Variants in RANBP2 observed in about 807,000 individuals in gnomAD.
RANBP2 encodes the protein RAN binding protein 2.
RANBP2 carries 57 observed loss-of-function variants against 303.6 expected under a neutral mutation model. That is an observed-to-expected ratio of 0.19 (90% CI 0.15 to 0.23). RANBP2 has a LOEUF of 0.23. RANBP2 is among the 10% of genes least tolerant of loss of function. RANBP2 has a pLI of 1.00. For synonymous variants in RANBP2, 1,167 were observed against 1,301.5 expected (o/e 0.90, Z 2.23); for missense variants, 3,138 against 3,780.8 (o/e 0.83, Z 4.46).
chr2:109,148,299 C>T, the RANBP2 span, among the ~76,000 whole-genome samples: 1 of 152,252 alleles, frequency 6.6e-6, no homozygotes, highest in African/African-American at 2.4e-5. Context: ...GTGAGGGAAT[C>T]CACCGGGACG....
the RANBP2 span, among the ~76,000 whole-genome samples, chr2:109,397,064 G>T: frequency 6.6e-6 from 1 of 152,154 alleles, no homozygotes; most frequent in African/African-American, 2.4e-5. Context: ...TGCCTCTGTG[G>T]TGCCCTACAG....
the RANBP2 span, chr2:108,798,546 T>G: frequency 6.2e-7 from 1 of 1,613,568 alleles, no homozygotes. Context: ...ATTAAAGGTG[T>G]TGAAGAAGAG....
chr2:109,554,564 T>C, the RANBP2 span, among the ~76,000 whole-genome samples: 1 of 152,212 alleles, frequency 6.6e-6, no homozygotes, highest in African/African-American at 2.4e-5. Context: ...TGCCATGAAC[T>C]TAACGCTTAC....
In RANBP2 at chr2:108,778,149, A is replaced by G. The variant is rs543204393; in HGVS notation, c.8599+918A>G. Among the ~76,000 whole-genome samples, 6 of 152,276 alleles carry G rather than the reference A, an allele frequency of 3.9e-5. 1 individual carries two copies. The highest frequency in any genetic ancestry group is 3.9e-4 in the East Asian group (2 of 5,134). On this transcript the variant is annotated intron_variant, in intron 25 of 28. Coordinates refer to ENST00000283195, the MANE Select transcript of RANBP2 (RefSeq NM_006267.5). ...CACAAAAAAAATCCCAAAAAAATAG[A>G]TAGGCTCCTTGTTACTCAGTGTAGC...
the RANBP2 span, among the ~76,000 whole-genome samples, chr2:109,433,656 T>C: frequency 1.3e-5 from 2 of 152,190 alleles, no homozygotes; most frequent in Non-Finnish European, 2.9e-5. Context: ...CAGAGTGGTC[T>C]CGGGACACAT....
At chr2:108,968,446 GA>G in the RANBP2 span, among the ~76,000 whole-genome samples, 1 of 152,168 alleles carries the variant, frequency 6.6e-6, no homozygotes, top group African/African-American at 2.4e-5. Flanking sequence ...TCATTATGGG[GA>G]GGTTTGTCCC....
the RANBP2 span, among the ~76,000 whole-genome samples, chr2:109,480,927 C>G: frequency 6.6e-6 from 1 of 152,112 alleles, no homozygotes; most frequent in Non-Finnish European, 1.5e-5. Flanking sequence ...GAAGAAGCGG[C>G]AGATAAAAGG....
At chr2:109,583,168 T>C in the RANBP2 span, among the ~76,000 whole-genome samples, 1 of 151,722 alleles carries the variant, frequency 6.6e-6, no homozygotes, top group Non-Finnish European at 1.5e-5. Context: ...AAAACAAAAA[T>C]TGCCAATTAA....
the RANBP2 span, among the ~76,000 whole-genome samples, chr2:109,237,608 A>AT: frequency 6.6e-5 from 10 of 152,014 alleles, no homozygotes; most frequent in African/African-American, 9.7e-5. Context: ...GTGTGTGTGA[A>AT]TTTTTTTTAA....
the RANBP2 span, among the ~76,000 whole-genome samples, chr2:109,179,373 G>A: frequency 3.9e-5 from 6 of 152,168 alleles, no homozygotes; most frequent in East Asian, 1.9e-4. Context: ...AAAGCAGAAC[G>A]TGAGAGGACA....
chr2:109,362,215 T>C, the RANBP2 span, among the ~76,000 whole-genome samples: 42,635 of 152,188 alleles, frequency 0.28, 6,909 homozygotes, highest in Non-Finnish European at 0.37. Flanking sequence ...TAAATTTCCC[T>C]GTAGGTGCTA....
chr2:108,955,755 G>A, the RANBP2 span, among the ~76,000 whole-genome samples: 6 of 149,542 alleles, frequency 4.0e-5, no homozygotes, highest in Non-Finnish European at 8.9e-5. Context: ...GGTAGGGCGC[G>A]GTGGCTCATG....
the RANBP2 span, among the ~76,000 whole-genome samples, chr2:108,867,931 A>G: frequency 6.6e-6 from 1 of 152,180 alleles, no homozygotes; most frequent in African/African-American, 2.4e-5. Context: ...TTAAAAAATA[A>G]TTTTATTCTG....
At chr2:108,785,863 A>G (rs943690012), downstream of RANBP2, 5 of 152,226 alleles carry the variant, frequency 3.3e-5, no homozygotes, top group South Asian at 2.1e-4. Flanking sequence ...TTTTCAGATA[A>G]TAACTGCTGA....
At chr2:108,867,537 C>CA in the RANBP2 span, among the ~76,000 whole-genome samples, 1 of 152,114 alleles carries the variant, frequency 6.6e-6, no homozygotes, top group South Asian at 2.1e-4. Context: ...CTCCCCTCCC[C>CA]AAGCCTTTGG....
At chr2:109,537,980 A>C in the RANBP2 span, among the ~76,000 whole-genome samples, 1 of 151,394 alleles carries the variant, frequency 6.6e-6, no homozygotes, top group African/African-American at 2.4e-5. Context: ...CACACACACA[A>C]ACACACACAC....
chr2:108,727,130 T>C (rs1372580690), intron 1 of RANBP2, among the ~76,000 whole-genome samples: 1 of 152,224 alleles, frequency 6.6e-6, no homozygotes, highest in Non-Finnish European at 1.5e-5. Context: ...TCATGGCCCG[T>C]TCTCAATGAG....
chr2:109,579,343 T>C, the RANBP2 span, among the ~76,000 whole-genome samples: 20,447 of 151,850 alleles, frequency 0.13, 1,859 homozygotes, highest in African/African-American at 0.26. Flanking sequence ...CCATCAAATA[T>C]TCCAGGGAAA....
chr2:108,793,652 A>G, the RANBP2 span, among the ~76,000 whole-genome samples: 342 of 150,962 alleles, frequency 2.3e-3, no homozygotes, highest in African/African-American at 7.8e-3. Context: ...GCTGGAGTGC[A>G]GTAGCGCGAT....
Sources: gnomAD v4.1 joint callset for allele counts (sites outside exome capture counted in the v4.1 genomes callset) on GRCh38, gnomAD v4.1.1 for gene constraint, MANE v1.5 for transcripts, NCBI Gene and HGNC (gene_info 2026-07-23, HGNC 2026-07-21) for gene names.